The following SMG6 variants were observed in gnomAD, a reference collection of about 807,000 sequenced individuals.
SMG6 encodes the protein telomerase-binding protein EST1A.
In SMG6, 66 loss-of-function variants were observed where a neutral mutation model predicts 142.2. The observed-to-expected ratio is 0.46, with a 90% confidence interval of 0.38 to 0.57. The LOEUF (loss-of-function observed/expected upper bound fraction) is 0.57, where lower values mean the gene tolerates loss of function less well. Among genes scored for constraint, SMG6 ranks in the 20% least tolerant of loss-of-function variants. The probability of loss-of-function intolerance (pLI) is 0.00; values close to 1 mark genes in which losing one functional copy is unlikely to be tolerated. For missense variants in SMG6, 1,793 were observed against 1,832.0 expected (o/e 0.98, Z 0.39); for synonymous variants, 779 against 702.4 (o/e 1.11, Z -1.72).
intron 10 of SMG6, among the ~76,000 whole-genome samples, chr17:2,223,342 T>G (rs1315526838): frequency 6.6e-6 from 1 of 152,178 alleles, no homozygotes; most frequent in African/African-American, 2.4e-5. Context: ...CACGCGCATA[T>G]TTTCTGAACA....
At chr17:2,230,335 AAG>A (rs200085987) in intron 10 of SMG6, among the ~76,000 whole-genome samples, 380 of 29,874 alleles carry the variant, frequency 0.013, 105 homozygotes, top group Middle Eastern at 0.044. Context: ...AAAAAAAAAA[AAG>A]GGAAAACCAC....
intron 8 of SMG6, among the ~76,000 whole-genome samples, chr17:2,259,482 C>T (rs1349077462): frequency 6.6e-6 from 1 of 151,984 alleles, no homozygotes; most frequent in Non-Finnish European, 1.5e-5. Context: ...GTTTGACCAG[C>T]CTGGGCAACA....
chr17:2,096,756 C>CACAAG lies in SMG6; in HGVS notation c.3358-10860_3358-10856dup, dbSNP rs368544975. On this transcript the variant is annotated intron_variant, in intron 13 of 18. Coordinates refer to ENST00000263073, the MANE Select transcript of SMG6 (RefSeq NM_017575.5). ...CAGGGACTGCTAGACATCCTGGGCA[C>CACAAG]ACAAGACAAGACAAGACAAGACAAG... 3.4e-3 allele frequency among the ~76,000 whole-genome samples: 519 copies of CACAAG among 151,890 alleles called. 1 individual carries two copies. Among genetic ancestry groups the CACAAG allele is most frequent in the Middle Eastern group, 0.02 (6 of 294 alleles).
chr17:2,300,003 T>C lies in SMG6; in HGVS notation c.750A>G (p.Arg250=). ...TGCTGCGCGTGCGGTAGCGATTCCT[T>C]CGTTTGTCTGAGCGGGAGTAGCGCT... ...SAKRYSRSDK[R]RNRYRTRSTS... is the part of the protein sequence containing the mutation. Residue 250 remains arginine (R), a synonymous_variant, in exon 2 of 19, where the codon CGA becomes CGG. Transcript: ENST00000263073. The C allele has an allele frequency of 6.2e-7, 1 of 1,614,120 alleles. No homozygotes were observed. Among genetic ancestry groups the C allele is most frequent in the Non-Finnish European group, 8.5e-7 (1 of 1,180,016 alleles).
At chr17:2,112,462 C>T (rs1034135381) in intron 13 of SMG6, among the ~76,000 whole-genome samples, 10 of 150,852 alleles carry the variant, frequency 6.6e-5, no homozygotes, top group East Asian at 2.0e-4. Flanking sequence ...GAGCCGAGAT[C>T]GTGCCACTGC....
chr17:2,260,343 C>T (rs1684574854), intron 8 of SMG6, among the ~76,000 whole-genome samples: 1 of 152,182 alleles, frequency 6.6e-6, no homozygotes, highest in African/African-American at 2.4e-5. Context: ...CAGCCAGATG[C>T]TTCAAGATGA....
chr17:2,204,762 TGGCCAGCCTA>T (rs1326975887), intron 10 of SMG6, among the ~76,000 whole-genome samples: 3 of 152,186 alleles, frequency 2.0e-5, no homozygotes, highest in Non-Finnish European at 4.4e-5. Context: ...CAGGAGTTCC[TGGCCAGCCTA>T]GGCAACGTGG....
At chr17:2,242,689 T>TAAAAAAAAAAAAAAAAAAAAAAAAAAA in intron 9 of SMG6, among the ~76,000 whole-genome samples, 1 of 55,838 alleles carries the variant, frequency 1.8e-5, no homozygotes, top group Non-Finnish European at 3.1e-5. Flanking sequence ...TCCATCTCTT[T>TAAAAAAAAAAAAAAAAAAAAAAAAAAA]AAAAAAAAAA....
chr17:2,163,102 C>A (rs529540800), intron 13 of SMG6, among the ~76,000 whole-genome samples: 1 of 151,526 alleles, frequency 6.6e-6, no homozygotes, highest in Non-Finnish European at 1.5e-5. Flanking sequence ...GAAGTACTGG[C>A]GTTACAGGTG....
At chr17:2,148,856 C>G (rs1279857044) in intron 13 of SMG6, among the ~76,000 whole-genome samples, 3 of 126,332 alleles carry the variant, frequency 2.4e-5, no homozygotes, top group East Asian at 4.3e-4. Context: ...AAGACTCTGT[C>G]TCAAAAAAAA....
chr17:2,266,275 C>A (rs993658355), intron 8 of SMG6: 1 of 647,158 alleles, frequency 1.5e-6, no homozygotes, highest in African/African-American at 2.0e-5. Flanking sequence ...TACACACGCA[C>A]GCGAACAGGA....
At chr17:2,169,066 T>C (rs1019866936) in intron 13 of SMG6, among the ~76,000 whole-genome samples, 1 of 151,132 alleles carries the variant, frequency 6.6e-6, no homozygotes, top group Admixed American at 6.6e-5. Flanking sequence ...TTTTTTTTAA[T>C]CAGCCAGGCA....
intron 10 of SMG6, among the ~76,000 whole-genome samples, chr17:2,190,201 C>T (rs2072116526): frequency 6.6e-6 from 1 of 152,162 alleles, no homozygotes; most frequent in African/African-American, 2.4e-5. Context: ...GCCCGGACAA[C>T]ATCCTGCCTC....
At chr17:2,183,169 C>T (rs1174698191) in intron 12 of SMG6, among the ~76,000 whole-genome samples, 7 of 151,518 alleles carry the variant, frequency 4.6e-5, no homozygotes, top group African/African-American at 7.3e-5. Context: ...GAGGCTGCAG[C>T]GAGCTGTGAT....
At chr17:2,112,016 A>G (rs954896944) in intron 13 of SMG6, among the ~76,000 whole-genome samples, 3 of 152,080 alleles carry the variant, frequency 2.0e-5, no homozygotes, top group Non-Finnish European at 2.9e-5. Flanking sequence ...CATATTTACA[A>G]ATCTCTATAT....
rs1429355021 is a variant in SMG6 at position 2,071,612 on chromosome 17, C to T, written c.3682-2681G>A. Among the ~76,000 whole-genome samples, 1 of 152,198 alleles carries T rather than the reference C, an allele frequency of 6.6e-6. No individual in the cohort carries two copies. Among genetic ancestry groups the T allele is most frequent in the African/African-American group, 2.4e-5 (1 of 41,448 alleles). Reference sequence around the variant, plus strand: ...TCCCAGGGACGCCCGCAGACAACTTCCCTTAACCTGGCTCTGCCCAGTGAG... The same window carrying T: ...TCCCAGGGACGCCCGCAGACAACTTTCCTTAACCTGGCTCTGCCCAGTGAG... On this transcript the variant is annotated intron_variant, in intron 15 of 18. Coordinates refer to ENST00000263073, the MANE Select transcript of SMG6 (RefSeq NM_017575.5). The surrounding 1 kb of genome is among the most constrained non-coding windows in gnomAD (Gnocchi z 5.6).
At chr17:2,127,495 A>G in intron 13 of SMG6, 1 of 707,434 alleles carries the variant, frequency 1.4e-6, no homozygotes, top group South Asian at 1.3e-5. Context: ...TAAATATTTA[A>G]TATTATCAAG....
At chr17:2,177,618 T>C (rs879855792) in intron 12 of SMG6, among the ~76,000 whole-genome samples, 1 of 152,184 alleles carries the variant, frequency 6.6e-6, no homozygotes, top group Admixed American at 6.5e-5. Flanking sequence ...AACACTAACA[T>C]TCAAACTCCA....
Position 2,297,940 on chromosome 17 carries a change from A to G in SMG6, c.1963T>C (p.Phe655Leu). 1 of 1,613,448 alleles carries G rather than the reference A, an allele frequency of 6.2e-7. No individual in the cohort carries two copies. Reference sequence around the variant, plus strand: ...TTCGGATCCTTGACAAGTTGCCTGAACTTCTCAATCACCTGATAGAAAGCA... The same window carrying G: ...TTCGGATCCTTGACAAGTTGCCTGAGCTTCTCAATCACCTGATAGAAAGCA... ...KNAFYQVIEK[F>L]RQLVKDPNVE... The change falls in exon 3 of 19, where the codon TTC becomes CTC. Residue 655 changes from phenylalanine to leucine, a missense_variant. This residue lies in a region of SMG6 where 1,597 missense variants were observed against 1,584.6 expected (regional missense o/e 1.01). Transcript: ENST00000263073.
Sources: gnomAD v4.1 joint callset for allele counts (sites outside exome capture counted in the v4.1 genomes callset) on GRCh38, gnomAD v4.1.1 for gene constraint, gnomAD v4.1.1 regional missense constraint, Gnocchi (gnomAD v3.1) non-coding constraint, MANE v1.5 for transcripts, NCBI Gene and HGNC (gene_info 2026-07-23, HGNC 2026-07-21) for gene names.